Variants in ATXN10 observed in about 807,000 individuals in gnomAD.
ATXN10 encodes the protein ataxin-10.
ATXN10 carries 28 observed loss-of-function variants against 52.9 expected under a neutral mutation model. That is an observed-to-expected ratio of 0.53 (90% CI 0.39 to 0.73). The LOEUF (loss-of-function observed/expected upper bound fraction) is 0.73, where lower values mean the gene tolerates loss of function less well. Ranked by LOEUF, ATXN10 falls within the 30% of genes least tolerant of loss-of-function variation. The pLI, the probability that ATXN10 is intolerant of heterozygous loss-of-function variation, is 0.00. For synonymous variants in ATXN10, 226 were observed against 221.5 expected, an observed-to-expected ratio of 1.02 and a Z score of -0.18; for missense variants, 565 against 577.0, an observed-to-expected ratio of 0.98 and a Z score of 0.21.
Position 45,823,798 on chromosome 22 carries a change from A to G in ATXN10, c.1237+16776A>G, listed in dbSNP as rs1431602152. Among the ~76,000 whole-genome samples the G allele has an allele frequency of 7.2e-5, 11 of 152,132 alleles. No homozygotes were observed. Among genetic ancestry groups the G allele is most frequent in the Non-Finnish European group, 1.3e-4 (9 of 68,028 alleles). ...CACTGTTCTAGCTGCCAGGGATACA[A>G]TGGTTGATCAAAAAAGAGACACTGT... On this transcript the variant is annotated intron_variant, in intron 10 of 11. Coordinates refer to ENST00000252934, the MANE Select transcript of ATXN10 (RefSeq NM_013236.4). This position sits in a 1 kb window ranked among gnomAD's most constrained non-coding sequence, Gnocchi z 4.9.
Position 45,733,033 on chromosome 22 carries a change from A to G in ATXN10, c.894+3443A>G, listed in dbSNP as rs1419564274. 1.3e-5 allele frequency among the ~76,000 whole-genome samples: 2 copies of G among 152,172 alleles called. No individual in the cohort carries two copies. The highest frequency in any genetic ancestry group is 2.9e-5 in the Non-Finnish European group (2 of 68,030). On this transcript the variant is annotated intron_variant, in intron 7 of 11. Transcript: ENST00000252934. The surrounding 1 kb of genome is among the most constrained non-coding windows in gnomAD (Gnocchi z 4.4). ...TAGTTTTGGGTTCTCATGTTAATGT[A>G]CTTATTCCTGTCTTTTGATATATTT...
At chr22:45,716,960 G>A (rs1924471605) in intron 5 of ATXN10, among the ~76,000 whole-genome samples, 1 of 152,136 alleles carries the variant, frequency 6.6e-6, no homozygotes, top group Admixed American at 6.6e-5. Context: ...GAGACACTCT[G>A]AAGACCCACG....
At chr22:45,720,718 C>T (rs531319922) in intron 6 of ATXN10, among the ~76,000 whole-genome samples, 6 of 152,126 alleles carry the variant, frequency 3.9e-5, no homozygotes, top group African/African-American at 1.4e-4. Context: ...GAAATTGGAA[C>T]CCTTGTGCAC....
rs1287242197 is a variant in ATXN10, at chr22:45,823,199, C to G, written c.1237+16177C>G. On this transcript the variant is annotated intron_variant, in intron 10 of 11. Transcript: ENST00000252934. The surrounding 1 kb of genome is among the most constrained non-coding windows in gnomAD (Gnocchi z 4.9). The stretch of plus-strand genomic sequence containing the variant: ...CTTCTTGAGTGTCCCGTCTCCCTCA[C>G]TGCCAATCCCCAGATGTAACTTCTG... The G allele has an allele frequency of 2.8e-5, 13 of 471,676 alleles. No homozygotes were observed. The highest frequency in any genetic ancestry group is 5.3e-5 in the Non-Finnish European group (12 of 227,188). The allele number at this position is 471,676 out of a possible 1,614,324, so 29.2% of individuals were successfully genotyped here.
chr22:45,777,892 G>C (rs1162387535), intron 9 of ATXN10, among the ~76,000 whole-genome samples: 5 of 152,226 alleles, frequency 3.3e-5, no homozygotes. Context: ...CTTTCATAGA[G>C]ACCATGAGGT....
At chr22:45,771,731 C>T (rs1167611459) in intron 9 of ATXN10, among the ~76,000 whole-genome samples, 3 of 151,904 alleles carry the variant, frequency 2.0e-5, no homozygotes, top group Non-Finnish European at 2.9e-5. Flanking sequence ...TCTTTGGTGA[C>T]GTATCTGTTC....
chr22:45,738,480 C>G (rs2146800312), intron 7 of ATXN10: 1 of 438,602 alleles, frequency 2.3e-6, no homozygotes, highest in Middle Eastern at 6.5e-4. Flanking sequence ...ACTCTTTGCT[C>G]CAAGAAGACA....
At chr22:45,779,073 A>T (rs891920606) in intron 9 of ATXN10, among the ~76,000 whole-genome samples, 6 of 152,128 alleles carry the variant, frequency 3.9e-5, no homozygotes, top group Non-Finnish European at 4.4e-5. Context: ...GCTCTTGAGT[A>T]TGAGATTTAT....
In ATXN10 at chr22:45,841,233, A is replaced by G. The variant is rs1929336715; in HGVS notation, c.1238-1758A>G. Reference sequence around the variant, plus strand: ...ACTTTGTCACGAGAGAATGACAGATAAATGACACAATAAGAACTTTTTCCC... The same window carrying G: ...ACTTTGTCACGAGAGAATGACAGATGAATGACACAATAAGAACTTTTTCCC... On this transcript the variant is annotated intron_variant, in intron 10 of 11. Coordinates refer to ENST00000252934, the MANE Select transcript of ATXN10 (RefSeq NM_013236.4). This position sits in a 1 kb window ranked among gnomAD's most constrained non-coding sequence, Gnocchi z 5.1. Among the ~76,000 whole-genome samples the G allele has an allele frequency of 6.6e-6, 1 of 152,276 alleles. No individual in the cohort carries two copies. The highest frequency in any genetic ancestry group is 1.5e-5 in the Non-Finnish European group (1 of 68,046).
intron 5 of ATXN10, among the ~76,000 whole-genome samples, chr22:45,704,922 T>C (rs1923981473): frequency 6.6e-6 from 1 of 152,212 alleles, no homozygotes; most frequent in Non-Finnish European, 1.5e-5. Flanking sequence ...TTGCTCAGGA[T>C]GATAAACTTT....
rs1555891798 is a variant in ATXN10 at position 45,740,717 on chromosome 22, C to CACAT, written c.1173+181_1173+184dup. 618 of 406,610 alleles carry CACAT rather than the reference C, an allele frequency of 1.5e-3. 10 individuals carry two copies. Among genetic ancestry groups the CACAT allele is most frequent in the African/African-American group, 0.014 (566 of 41,898 alleles). 25.2% of individuals were successfully genotyped at this position (406,610 alleles called of 1,614,324 possible). A position where few individuals can be genotyped will look rare whatever the true frequency, so the allele number is the denominator to read the frequency against. On this transcript the variant is annotated intron_variant, in intron 9 of 11. Transcript: ENST00000252934. ...ACACACACACACACACACACACACA[C>CACAT]ACATATATATACACACACACACGTG... is the stretch of plus-strand genomic sequence containing the variant.
intron 3 of ATXN10, 95 bp from the exon 4 acceptor site, chr22:45,700,187 T>C (rs2146751830): frequency 3.2e-6 from 3 of 939,368 alleles, no homozygotes; most frequent in Non-Finnish European, 4.8e-6. Flanking sequence ...AGCAGAAACT[T>C]TCTGTTTAAT....
At chr22:45,755,770 C>T (rs908496063) in intron 9 of ATXN10, among the ~76,000 whole-genome samples, 1 of 152,142 alleles carries the variant, frequency 6.6e-6, no homozygotes, top group Admixed American at 6.5e-5. Flanking sequence ...TTTTATAGTG[C>T]TCACTGTGTG....
chr22:45,776,713 A>T lies in ATXN10; in HGVS notation c.1174-30246A>T, dbSNP rs135989. Among the ~76,000 whole-genome samples the T allele has an allele frequency of 7.7e-3, 1,166 of 152,312 alleles. 12 individuals are homozygous for T. The highest frequency in any genetic ancestry group is 0.026 in the African/African-American group (1,090 of 41,560). ...AAAATCATGCATTATGTCTTGCTGC[A>T]TTGCTATAAACACAAACGATAATAT... is the stretch of plus-strand genomic sequence containing the variant. On this transcript the variant is annotated intron_variant, in intron 9 of 11. Coordinates refer to ENST00000252934, the MANE Select transcript of ATXN10 (RefSeq NM_013236.4).
At chr22:45,724,164 T>C (rs1472888138) in intron 6 of ATXN10, among the ~76,000 whole-genome samples, 1 of 151,856 alleles carries the variant, frequency 6.6e-6, no homozygotes, top group Admixed American at 6.6e-5. Flanking sequence ...GCAGGTGTCT[T>C]TTCCTTTGGG....
chr22:45,738,127 G>A (rs1925371906), intron 7 of ATXN10, among the ~76,000 whole-genome samples: 1 of 152,102 alleles, frequency 6.6e-6, no homozygotes, highest in South Asian at 2.1e-4. Context: ...TAGTTTCTTG[G>A]TCATGCAGTG....
chr22:45,801,755 A>G (rs1010089141), intron 9 of ATXN10, among the ~76,000 whole-genome samples: 3 of 152,220 alleles, frequency 2.0e-5, no homozygotes, highest in Admixed American at 6.5e-5. Flanking sequence ...TACCATATCC[A>G]GCTCTTTTCA....
rs1184194178 is a variant in ATXN10, at chr22:45,688,743, C to T, written c.117-969C>T. 1.3e-5 allele frequency among the ~76,000 whole-genome samples: 2 copies of T among 152,196 alleles called. No individual in the cohort carries two copies. The highest frequency in any genetic ancestry group is 2.4e-5 in the African/African-American group (1 of 41,448). ...TGAAAGGTAGGGCACTGTGAATCTA[C>T]AGCGAGAGCAGAAGGAGAAAATTCA... is the stretch of plus-strand genomic sequence containing the variant. On this transcript the variant is annotated intron_variant, in intron 1 of 11. Coordinates refer to ENST00000252934, the MANE Select transcript of ATXN10 (RefSeq NM_013236.4). This position sits in a 1 kb window ranked among gnomAD's most constrained non-coding sequence, Gnocchi z 4.0.
intron 1 of ATXN10, chr22:45,673,454 C>T (rs1402607270): frequency 6.6e-6 from 1 of 152,182 alleles, no homozygotes; most frequent in African/African-American, 2.4e-5. Context: ...AATAAAAGTC[C>T]CTGGTACTGC....
Sources: gnomAD v4.1 joint callset for allele counts (sites outside exome capture counted in the v4.1 genomes callset) on GRCh38, gnomAD v4.1.1 for gene constraint, Gnocchi (gnomAD v3.1) non-coding constraint, MANE v1.5 for transcripts, NCBI Gene and HGNC (gene_info 2026-07-23, HGNC 2026-07-21) for gene names.